WWOX: variants seen among roughly 807,000 people sequenced by gnomAD.
WWOX encodes WW domain-containing oxidoreductase.
A neutral mutation model predicts 46.2 loss-of-function variants in WWOX; 69 were observed. The observed-to-expected ratio is 1.49, with a 90% CI of 1.23 to 1.82. The LOEUF (loss-of-function observed/expected upper bound fraction) is 1.82. WWOX is among the 40% of genes most tolerant of loss of function. WWOX has a pLI of 0.00. For synonymous variants in WWOX, 359 were observed against 202.6 expected, an observed-to-expected ratio of 1.77 and a Z score of -6.56; for missense variants, 919 against 542.6, an observed-to-expected ratio of 1.69 and a Z score of -6.89.
At chr16:78,755,711 G>C (rs2049628250) in intron 8 of WWOX, among the ~76,000 whole-genome samples, 1 of 152,102 alleles carries the variant, frequency 6.6e-6, no homozygotes, top group African/African-American at 2.4e-5. Context: ...TACCCATTTT[G>C]ATAGTTCAGT....
chr16:79,082,549 T>C (rs543324784), intron 8 of WWOX, among the ~76,000 whole-genome samples: 5 of 152,286 alleles, frequency 3.3e-5, no homozygotes, highest in African/African-American at 9.6e-5. Context: ...TCCATCTTCA[T>C]GGGTTGATCA....
rs115819305 is a variant in WWOX, at chr16:79,053,711, G to T, written c.1057-157897G>T. Reference sequence around the variant, plus strand: ...TTTTAGAGGATTTTGCATCTCATCAGTAAGTGCAATTTAGAGGATGCAGGC... The same window carrying T: ...TTTTAGAGGATTTTGCATCTCATCATTAAGTGCAATTTAGAGGATGCAGGC... On this transcript the variant is annotated intron_variant, in intron 8 of 8. Transcript: ENST00000566780. Among the ~76,000 whole-genome samples the T allele has an allele frequency of 5.3e-3, 804 of 152,274 alleles. 3 individuals are homozygous for T. The highest frequency in any genetic ancestry group is 0.018 in the African/African-American group (753 of 41,556).
intron 8 of WWOX, among the ~76,000 whole-genome samples, chr16:78,999,027 GT>G: frequency 6.6e-6 from 1 of 152,358 alleles, no homozygotes; most frequent in African/African-American, 2.4e-5. Flanking sequence ...CCAAATGGCT[GT>G]GAAGTGGAGA....
At chr16:78,926,973 T>G (rs982383) in intron 8 of WWOX, among the ~76,000 whole-genome samples, 50,809 of 151,876 alleles carry the variant, frequency 0.33, 9,316 homozygotes, top group Admixed American at 0.47. Flanking sequence ...ATTTTGTATT[T>G]TCTGTAGAGA....
At chr16:78,523,673 A>T (rs1329481690) in intron 8 of WWOX, among the ~76,000 whole-genome samples, 1 of 152,204 alleles carries the variant, frequency 6.6e-6, no homozygotes, top group Non-Finnish European at 1.5e-5. Flanking sequence ...GTGCTTCTGT[A>T]AATGGAAATG....
At chr16:78,865,138 T>C (rs1316175924) in intron 8 of WWOX, among the ~76,000 whole-genome samples, 1 of 152,176 alleles carries the variant, frequency 6.6e-6, no homozygotes, top group South Asian at 2.1e-4. Flanking sequence ...TGTTAATATG[T>C]AAAATAAATT....
intron 8 of WWOX, among the ~76,000 whole-genome samples, chr16:78,884,078 A>C (rs185801843): frequency 6.6e-6 from 1 of 152,168 alleles, no homozygotes; most frequent in East Asian, 1.9e-4. Context: ...CGGGAGTTCA[A>C]GACCAGCTGG....
At chr16:78,456,276 T>A (rs1199804193) in intron 8 of WWOX, among the ~76,000 whole-genome samples, 1 of 152,180 alleles carries the variant, frequency 6.6e-6, no homozygotes, top group Non-Finnish European at 1.5e-5. Flanking sequence ...CTGGAAGAGT[T>A]GACCACTTAG....
intron 5 of WWOX, among the ~76,000 whole-genome samples, chr16:78,337,221 A>G (rs2080912897): frequency 6.6e-6 from 1 of 152,200 alleles, no homozygotes; most frequent in Non-Finnish European, 1.5e-5. Context: ...CAATGTGTTG[A>G]CCAAGAGTGG....
At chr16:78,849,006 C>T (rs930015176) in intron 8 of WWOX, among the ~76,000 whole-genome samples, 4 of 152,286 alleles carry the variant, frequency 2.6e-5, no homozygotes, top group African/African-American at 7.2e-5. Flanking sequence ...GACATAGTTA[C>T]CATGAGCAGC....
chr16:78,602,923 C>T (rs1325228481), intron 8 of WWOX, among the ~76,000 whole-genome samples: 1 of 152,152 alleles, frequency 6.6e-6, no homozygotes, highest in Non-Finnish European at 1.5e-5. Flanking sequence ...ACACTTTTTA[C>T]TTGTCATTGC....
chr16:79,179,935 C>G (rs1037778465), intron 8 of WWOX, among the ~76,000 whole-genome samples: 17 of 152,280 alleles, frequency 1.1e-4, no homozygotes, highest in East Asian at 1.9e-4. Flanking sequence ...TCCAAGGACA[C>G]ACAGGTGATG....
At chr16:78,189,616 G>A (rs968970342) in intron 5 of WWOX, among the ~76,000 whole-genome samples, 1 of 152,056 alleles carries the variant, frequency 6.6e-6, no homozygotes, top group Non-Finnish European at 1.5e-5. Context: ...CATAATAATG[G>A]CACCTAAACA....
At chr16:78,982,698 G>T (rs1383588922) in intron 8 of WWOX, among the ~76,000 whole-genome samples, 1 of 152,142 alleles carries the variant, frequency 6.6e-6, no homozygotes, top group Non-Finnish European at 1.5e-5. Context: ...CCTCAAACAT[G>T]TATGCTTATT....
intron 8 of WWOX, among the ~76,000 whole-genome samples, chr16:78,949,026 A>C (rs1171217002): frequency 6.6e-6 from 1 of 152,128 alleles, no homozygotes; most frequent in Admixed American, 6.5e-5. Flanking sequence ...CGGCCCTCAG[A>C]AGCTAAGAAC....
At chr16:78,950,430 A>G (rs988816955) in intron 8 of WWOX, among the ~76,000 whole-genome samples, 5 of 151,950 alleles carry the variant, frequency 3.3e-5, no homozygotes, top group African/African-American at 1.2e-4. Context: ...TCAGCTCCTG[A>G]TGAAAAAGAT....
chr16:78,570,180 C>G (rs932021624), intron 8 of WWOX, among the ~76,000 whole-genome samples: 3 of 152,154 alleles, frequency 2.0e-5, no homozygotes, highest in Non-Finnish European at 2.9e-5. Flanking sequence ...TGCAAACAAA[C>G]TCAGGGGAAA....
chr16:78,693,825 TA>T (rs2048042058), intron 8 of WWOX, among the ~76,000 whole-genome samples: 1 of 152,182 alleles, frequency 6.6e-6, no homozygotes, highest in Non-Finnish European at 1.5e-5. Context: ...TTCATGCTTG[TA>T]AATTATTATT....
At chr16:78,416,995 C>T (rs1200494390) in intron 6 of WWOX, among the ~76,000 whole-genome samples, 3 of 150,912 alleles carry the variant, frequency 2.0e-5, no homozygotes, top group African/African-American at 7.5e-5. Flanking sequence ...TTATGTAAGA[C>T]AGAAGGTATT....
Sources: allele counts gnomAD v4.1 joint callset (sites outside exome capture counted in the v4.1 genomes callset), GRCh38; gene constraint gnomAD v4.1.1; transcripts MANE v1.5; gene names NCBI Gene and HGNC (gene_info 2026-07-23, HGNC 2026-07-21).